CDH10: variants seen among roughly 807,000 people sequenced by gnomAD.
CDH10 encodes cadherin 10.
In CDH10, 30 loss-of-function variants were observed where a neutral mutation model predicts 73.1. The observed-to-expected ratio is 0.41, with a 90% CI of 0.31 to 0.56. The LOEUF (loss-of-function observed/expected upper bound fraction) is 0.56. CDH10 is among the 20% of genes least tolerant of loss of function. The pLI is 0.27. For missense variants in CDH10, 815 were observed against 973.7 expected (o/e 0.84, Z 2.17); for synonymous variants, 345 against 348.2 (o/e 0.99, Z 0.10).
intron 2 of CDH10, among the ~76,000 whole-genome samples, chr5:24,569,766 C>CTTT (rs112375331): frequency 7.0e-6 from 1 of 142,372 alleles, no homozygotes; most frequent in East Asian, 2.0e-4. Context: ...CAAATGTGTG[C>CTTT]TTTTTTTTTT....
At chr5:24,563,577 C>G (rs1174883121) in intron 2 of CDH10, among the ~76,000 whole-genome samples, 2 of 131,506 alleles carry the variant, frequency 1.5e-5, no homozygotes, top group African/African-American at 5.8e-5. Flanking sequence ...CACGGTGAAA[C>G]CCCGTCTCTA....
chr5:24,554,825 C>G (rs967090600), intron 2 of CDH10, among the ~76,000 whole-genome samples: 1 of 151,982 alleles, frequency 6.6e-6, no homozygotes, highest in Non-Finnish European at 1.5e-5. Flanking sequence ...CATCAAGTAC[C>G]TTTAATCTGA....
rs1472990106 is a variant in CDH10, at chr5:24,537,263, TG to T, written c.526+116del. 8 of 665,386 alleles carry T rather than the reference TG, an allele frequency of 1.2e-5. 1 individual carries two copies. Among genetic ancestry groups the T allele is most frequent in the Non-Finnish European group, 2.0e-5 (8 of 398,820 alleles). 41.2% of individuals were successfully genotyped at this position (665,386 alleles called of 1,614,324 possible). A position where few individuals can be genotyped will look rare whatever the true frequency, so the allele number is the denominator to read the frequency against. On this transcript the variant is annotated intron_variant, in intron 3 of 11. Transcript: ENST00000264463. Reference sequence around the variant, plus strand: ...TCCTAAAAGAAAAAATAAATAAATATGTACTCATGGTAGCAAATCAAAGAGG... The same window carrying T: ...TCCTAAAAGAAAAAATAAATAAATATTACTCATGGTAGCAAATCAAAGAGG...
chr5:24,630,878 A>G (rs1390700975), intron 1 of CDH10, among the ~76,000 whole-genome samples: 1 of 152,150 alleles, frequency 6.6e-6, no homozygotes, highest in African/African-American at 2.4e-5. Flanking sequence ...TTGCAAAAAA[A>G]AATACTCTGC....
intron 5 of CDH10, among the ~76,000 whole-genome samples, chr5:24,531,785 G>C (rs1276353626): frequency 2.0e-5 from 3 of 152,010 alleles, no homozygotes; most frequent in Non-Finnish European, 4.4e-5. Flanking sequence ...CATATCAATG[G>C]TATTTGGTGC....
chr5:24,510,248 T>C (rs1742854400), intron 6 of CDH10, among the ~76,000 whole-genome samples: 1 of 152,212 alleles, frequency 6.6e-6, no homozygotes, highest in African/African-American at 2.4e-5. Flanking sequence ...TTCAATGTAA[T>C]GGGCTTATGA....
intron 5 of CDH10, among the ~76,000 whole-genome samples, chr5:24,527,391 CATATT>C (rs1442358619): frequency 6.7e-6 from 1 of 149,304 alleles, no homozygotes; most frequent in East Asian, 1.9e-4. Flanking sequence ...CATGTACACA[CATATT>C]ATATATATTT....
chr5:24,495,004 C>A (rs571391524), intron 9 of CDH10, among the ~76,000 whole-genome samples: 77 of 152,060 alleles, frequency 5.1e-4, no homozygotes, highest in African/African-American at 1.7e-3. Context: ...TTCTTCATAT[C>A]CTGAATTTAC....
intron 1 of CDH10, among the ~76,000 whole-genome samples, chr5:24,631,212 G>A (rs186532098): frequency 6.6e-6 from 1 of 152,166 alleles, no homozygotes; most frequent in Admixed American, 6.5e-5. Flanking sequence ...AACACTGTAT[G>A]TCATCAACTT....
chr5:24,505,747 A>T (rs1742675281), intron 7 of CDH10, among the ~76,000 whole-genome samples: 1 of 152,342 alleles, frequency 6.6e-6, no homozygotes, highest in East Asian at 1.9e-4. Flanking sequence ...TATAACACCC[A>T]CGTAGCTTCA....
At chr5:24,504,464 G>T (rs1429433914) in intron 8 of CDH10, among the ~76,000 whole-genome samples, 1 of 128,274 alleles carries the variant, frequency 7.8e-6, no homozygotes, top group African/African-American at 2.9e-5. Flanking sequence ...GAGAGCTCCT[G>T]TGTCATGTAA....
At chr5:24,636,479 A>G (rs1747872140) in intron 1 of CDH10, among the ~76,000 whole-genome samples, 1 of 151,968 alleles carries the variant, frequency 6.6e-6, no homozygotes, top group Non-Finnish European at 1.5e-5. Context: ...TCACAAAAAC[A>G]GACTATTATA....
intron 1 of CDH10, among the ~76,000 whole-genome samples, chr5:24,603,605 G>T (rs1268987911): frequency 6.6e-6 from 1 of 151,858 alleles, no homozygotes; most frequent in Non-Finnish European, 1.5e-5. Flanking sequence ...AAAAACATTA[G>T]ACAAAATCTG....
At chr5:24,491,184 T>C (rs535850708) in intron 11 of CDH10, among the ~76,000 whole-genome samples, 2 of 152,294 alleles carry the variant, frequency 1.3e-5, no homozygotes, top group East Asian at 3.9e-4. Context: ...TTAATTCCAT[T>C]AGAACATTCA....
At chr5:24,612,408 T>A (rs1284408598) in intron 1 of CDH10, 2 of 152,136 alleles carry the variant, frequency 1.3e-5, no homozygotes, top group Non-Finnish European at 2.9e-5. Flanking sequence ...TGGTGAAAAA[T>A]TTATTGCTTA....
chr5:24,577,016 A>AC (rs1204356319), intron 2 of CDH10, among the ~76,000 whole-genome samples: 1 of 151,946 alleles, frequency 6.6e-6, no homozygotes, highest in Non-Finnish European at 1.5e-5. Context: ...TAAAAAAAAA[A>AC]AACCCAAACT....
intron 1 of CDH10, among the ~76,000 whole-genome samples, chr5:24,618,257 C>G (rs986437521): frequency 6.6e-5 from 10 of 152,170 alleles, no homozygotes; most frequent in Non-Finnish European, 1.2e-4. Flanking sequence ...GGAAACTGCA[C>G]TCTCATGAAT....
chr5:24,583,523 A>G (rs1455024858), intron 2 of CDH10, among the ~76,000 whole-genome samples: 1 of 152,218 alleles, frequency 6.6e-6, no homozygotes, highest in Non-Finnish European at 1.5e-5. Context: ...TCTATTACAT[A>G]TGCAATCTTA....
chr5:24,535,880 C>G, intron 3 of CDH10, 58 bp from the exon 4 acceptor site: 1 of 1,361,282 alleles, frequency 7.3e-7, no homozygotes, highest in Non-Finnish European at 9.9e-7. Flanking sequence ...AGCAAAAGCA[C>G]TGGTTTTCAT....
Sources: allele counts gnomAD v4.1 joint callset (sites outside exome capture counted in the v4.1 genomes callset), GRCh38; gene constraint gnomAD v4.1.1; transcripts MANE v1.5; gene names NCBI Gene and HGNC (gene_info 2026-07-23, HGNC 2026-07-21).